The following ZNF837 variants were observed in gnomAD, a reference collection of about 807,000 sequenced individuals.
ZNF837 encodes zinc finger protein 837.
For missense variants in ZNF837, 955 were observed against 801.7 expected (o/e 1.19, Z -2.31); for synonymous variants, 475 against 365.2 (o/e 1.30, Z -3.43).
Position 58,367,857 on chromosome 19 carries a change from G to A in ZNF837, c.1476C>T (p.Arg492=). ...KAFVRNCSLV[R]HLRTHTGERP... ...GCTCGCCCGTGTGCGTGCGCAGGTG[G>A]CGCACCAGGCTGCAGTTGCGCACGA... The change falls in exon 3 of 3, where the codon CGC becomes CGT. Residue 492 remains arginine, a synonymous_variant. Coordinates refer to ENST00000597582, the MANE Select transcript of ZNF837 (RefSeq NM_138466.2). 1.3e-6 allele frequency: 2 copies of A among 1,531,894 alleles called. No homozygotes were observed. The highest frequency in any genetic ancestry group is 1.7e-6 in the Non-Finnish European group (2 of 1,143,052). 94.9% of individuals were successfully genotyped at this position (1,531,894 alleles called of 1,614,324 possible).
rs1416876726 is a variant in ZNF837, at chr19:58,368,941, G to A, written c.392C>T (p.Ala131Val). 1 of 1,543,876 alleles carries A rather than the reference G, an allele frequency of 6.5e-7. No individual in the cohort carries two copies. The highest frequency in any genetic ancestry group is 8.8e-7 in the Non-Finnish European group (1 of 1,142,852). Residue 131 changes from alanine (A) to valine (V), a missense_variant, in exon 3 of 3, where the codon GCG becomes GTG. Coordinates refer to ENST00000597582, the MANE Select transcript of ZNF837 (RefSeq NM_138466.2). Reference sequence around the variant, plus strand: ...CCCAGCGGGCGCCCCGCGATGCCACGCCAGGCAGGAGTTCCTGCTGCAGTC... The same window carrying A: ...CCCAGCGGGCGCCCCGCGATGCCACACCAGGCAGGAGTTCCTGCTGCAGTC... ...GGDCSRNSCL[A>V]WHRGAPAGET...
chr19:58,379,066 A>T (rs1191519563), intron 1 of ZNF837, among the ~76,000 whole-genome samples: 1 of 152,212 alleles, frequency 6.6e-6, no homozygotes, highest in African/African-American at 2.4e-5. Flanking sequence ...ACAGAAACTA[A>T]TAGAGACTGG....
At chr19:58,373,253 T>G (rs1599925210) in intron 1 of ZNF837, among the ~76,000 whole-genome samples, 1 of 152,296 alleles carries the variant, frequency 6.6e-6, no homozygotes, top group East Asian at 1.9e-4. Context: ...AGGTCTAATT[T>G]AGAGAAAATC....
At chr19:58,377,163 G>A (rs1413697381) in intron 1 of ZNF837, among the ~76,000 whole-genome samples, 1 of 149,226 alleles carries the variant, frequency 6.7e-6, no homozygotes, top group Non-Finnish European at 1.5e-5. Flanking sequence ...GTTGCAGTGA[G>A]CCAAGATCGT....
In ZNF837 at chr19:58,369,399, CAGG is replaced by C. The variant is rs2052179872; in HGVS notation, c.-29-41_-29-39del. The C allele has an allele frequency of 6.1e-6, 8 of 1,315,434 alleles. No homozygotes were observed. In the East Asian group the frequency reaches 1.5e-4, roughly 25 times the overall value. 81.5% of individuals were successfully genotyped at this position (1,315,434 alleles called of 1,614,324 possible). On this transcript the variant is annotated intron_variant, in intron 2 of 2. Coordinates refer to ENST00000597582, the MANE Select transcript of ZNF837 (RefSeq NM_138466.2). ...AGAAGAAATGGAGGTTGGCGGTTCCCAGGAGGAGAGAAGTGGAGAACTGGGCCA... is the reference window on the plus strand; with the variant it reads ...AGAAGAAATGGAGGTTGGCGGTTCCCAGGAGAGAAGTGGAGAACTGGGCCA...
chr19:58,376,758 C>A (rs2052251237), intron 1 of ZNF837, among the ~76,000 whole-genome samples: 1 of 152,022 alleles, frequency 6.6e-6, no homozygotes, highest in South Asian at 2.1e-4. Context: ...TTTTCTTTAA[C>A]CAGGTGTCTG....
intron 1 of ZNF837, among the ~76,000 whole-genome samples, chr19:58,375,306 ATAT>A (rs2052235117): frequency 6.6e-5 from 3 of 45,174 alleles, no homozygotes; most frequent in African/African-American, 1.4e-4. Flanking sequence ...ATATATATAT[ATAT>A]ATAAAATTAC....
Position 58,367,767 on chromosome 19 carries a change from C to T in ZNF837, c.1566G>A (p.Arg522=), listed in dbSNP as rs769519757. The T allele has an allele frequency of 1.3e-6, 2 of 1,534,476 alleles. No individual in the cohort carries two copies. The highest frequency in any genetic ancestry group is 2.4e-5 in the South Asian group (2 of 83,928). The part of the protein sequence containing the change: ...FSQRSNLNEH[R]KRHGGRAAP ...GCGCGGCGCGGCCCCCGTGCCGCTT[C>T]CGGTGCTCGTTGAGGTTGGAGCGTT... Residue 522 remains arginine (R), a synonymous_variant, in exon 3 of 3, where the codon CGG becomes CGA. Transcript: ENST00000597582.
chr19:58,367,888 T>C lies in ZNF837; in HGVS notation c.1445A>G (p.Lys482Arg). The change falls in exon 3 of 3, where the codon AAG becomes AGG. Residue 482 changes from lysine to arginine, a missense_variant. Lys to Arg is a conservative substitution (Grantham distance 26). Coordinates refer to ENST00000597582, the MANE Select transcript of ZNF837 (RefSeq NM_138466.2). ...CAGGCTGCAGTTGCGCACGAAGGCC[T>C]TGCCGCAGTCGCGGCAGATGTAGGG... Reference protein sequence around the residue: ...EKPYICRDCGKAFVRNCSLVR... With the variant: ...EKPYICRDCGRAFVRNCSLVR... 6.5e-7 allele frequency: 1 copy of C among 1,535,458 alleles called. No individual in the cohort carries two copies. Among genetic ancestry groups the C allele is most frequent in the Non-Finnish European group, 8.7e-7 (1 of 1,144,232 alleles).
chr19:58,371,515 T>C (rs1473160734), intron 1 of ZNF837, among the ~76,000 whole-genome samples: 1 of 152,226 alleles, frequency 6.6e-6, no homozygotes, highest in African/African-American at 2.4e-5. Context: ...CTAGATCTCA[T>C]TGTTTCCAGA....
At chr19:58,376,354 C>G (rs1000596390) in intron 1 of ZNF837, among the ~76,000 whole-genome samples, 64 of 151,472 alleles carry the variant, frequency 4.2e-4, no homozygotes, top group African/African-American at 1.5e-3. Context: ...AGATCGAGAC[C>G]ATCCTGGCTA....
intron 1 of ZNF837, among the ~76,000 whole-genome samples, chr19:58,375,269 AG>A (rs1415469699): frequency 5.0e-4 from 10 of 19,910 alleles, no homozygotes; most frequent in African/African-American, 1.0e-3. Flanking sequence ...AAAAAAAAAA[AG>A]TATATATATA....
chr19:58,371,256 A>G lies in ZNF837; in HGVS notation c.-139-1328T>C, dbSNP rs917550204. Among the ~76,000 whole-genome samples, 26 of 151,146 alleles carry G rather than the reference A, an allele frequency of 1.7e-4. No homozygotes were observed. The South Asian group carries it at 5.5e-3, about 32-fold the overall frequency. ...ACTCTGTCTCAAAAAAAAAAAAAAA[A>G]AAATTGCCGGGCATGGTGATGCATG... On this transcript the variant is annotated intron_variant, in intron 1 of 2. Coordinates refer to ENST00000597582, the MANE Select transcript of ZNF837 (RefSeq NM_138466.2).
chr19:58,369,463 G>T, intron 2 of ZNF837, 102 bp from the exon 3 acceptor site: 6 of 1,010,196 alleles, frequency 5.9e-6, no homozygotes, highest in Non-Finnish European at 7.8e-6. Flanking sequence ...CCTACTGGGC[G>T]GCCCCCAGCT....
chr19:58,377,943 C>T (rs569134005), intron 1 of ZNF837, among the ~76,000 whole-genome samples: 1 of 152,348 alleles, frequency 6.6e-6, no homozygotes, highest in African/African-American at 2.4e-5. Flanking sequence ...ATCTGCTGGC[C>T]GTGGACCTGG....
Position 58,368,990 on chromosome 19 carries a change from A to AG in ZNF837, c.342dup (p.Cys115LeufsTer2). The AG allele has an allele frequency of 6.6e-7, 1 of 1,524,922 alleles. No homozygotes were observed. Among genetic ancestry groups the AG allele is most frequent in the South Asian group, 1.2e-5 (1 of 81,082 alleles). 94.5% of individuals were successfully genotyped at this position (1,524,922 alleles called of 1,614,324 possible). On this transcript the variant is annotated frameshift_variant, in exon 3 of 3. Transcript: ENST00000597582. LOFTEE classifies it low-confidence loss of function (END_TRUNC). ...TCCCCGCCACGCGCTGGGCTCCTACAGGGGCCCTCCCGGGCTTGCAGCCCC... is the reference window on the plus strand; with the variant it reads ...TCCCCGCCACGCGCTGGGCTCCTACAGGGGGCCCTCCCGGGCTTGCAGCCCC...
chr19:58,379,217 A>C (rs2052271918), intron 1 of ZNF837, among the ~76,000 whole-genome samples: 1 of 152,194 alleles, frequency 6.6e-6, no homozygotes. Context: ...CCCACTTGGC[A>C]GAAAGGGACC....
rs942908473 is a variant in ZNF837 at position 58,368,646 on chromosome 19, C to T, written c.687G>A (p.Arg229=). ...QATEEPRPCA[R]CGKRFRPNQQ... ...GGTTGGGGCGGAAGCGCTTCCCGCA[C>T]CGGGCACACGGACGGGGCTCCTCCG... Residue 229 remains arginine, a synonymous_variant, in exon 3 of 3, where the codon CGG becomes CGA. Coordinates refer to ENST00000597582, the MANE Select transcript of ZNF837 (RefSeq NM_138466.2). The T allele has an allele frequency of 2.6e-6, 4 of 1,529,728 alleles. No individual in the cohort carries two copies. The highest frequency in any genetic ancestry group is 2.6e-6 in the Non-Finnish European group (3 of 1,142,698). The allele number at this position is 1,529,728 out of a possible 1,614,324, so 94.8% of individuals were successfully genotyped here.
In ZNF837 at chr19:58,368,606, C is replaced by G; in HGVS notation, c.727G>C (p.Gly243Arg). 6.5e-7 allele frequency: 1 copy of G among 1,533,854 alleles called. No individual in the cohort carries two copies. The highest frequency in any genetic ancestry group is 8.7e-7 in the Non-Finnish European group (1 of 1,144,538). The change falls in exon 3 of 3, where the codon GGC becomes CGC. Residue 243 changes from glycine to arginine, a missense_variant. Gly to Arg is a moderately radical substitution (Grantham distance 125). Coordinates refer to ENST00000597582, the MANE Select transcript of ZNF837 (RefSeq NM_138466.2). Reference sequence around the variant, plus strand: ...TCAGGACACACTGGGGGACTCTTGCCCGCCTGCTGCTGCTGGTTGGGGCGG... The same window carrying G: ...TCAGGACACACTGGGGGACTCTTGCGCGCCTGCTGCTGCTGGTTGGGGCGG... ...RFRPNQQQQA[G>R]KSPPVCPECG...
Sources: allele counts gnomAD v4.1 joint callset (sites outside exome capture counted in the v4.1 genomes callset), GRCh38; gene constraint gnomAD v4.1.1; transcripts MANE v1.5; gene names NCBI Gene and HGNC (gene_info 2026-07-23, HGNC 2026-07-21).